The following CDC40 variants were observed in gnomAD, a reference collection of about 807,000 sequenced individuals.
CDC40 encodes the protein cell division cycle 40, also known as pre-mRNA-processing factor 17.
CDC40 carries 27 observed loss-of-function variants against 80.6 expected under a neutral mutation model. The observed-to-expected ratio is 0.33, with a 90% CI of 0.25 to 0.46. The LOEUF (loss-of-function observed/expected upper bound fraction) is 0.46, where lower values mean the gene tolerates loss of function less well. Ranked by LOEUF, CDC40 falls within the 20% of genes least tolerant of loss-of-function variation. CDC40 has a pLI of 1.00. For missense variants in CDC40, 486 were observed against 694.1 expected (o/e 0.70, Z 3.37); for synonymous variants, 221 against 232.6 (o/e 0.95, Z 0.45).
At chr6:110,220,871 G>A (rs1214869446) in intron 12 of CDC40, among the ~76,000 whole-genome samples, 1 of 152,090 alleles carries the variant, frequency 6.6e-6, no homozygotes, top group Non-Finnish European at 1.5e-5. Flanking sequence ...GGTAGAAACT[G>A]TCCCCGTGAT....
At position 110,180,528 on chromosome 6, in the gene CDC40, G is replaced by A; in HGVS notation, c.84G>A (p.Arg28=). The change falls in exon 1 of 15, where the codon CGG becomes CGA. Residue 28 remains arginine, a synonymous_variant. Coordinates refer to ENST00000307731, the MANE Select transcript of CDC40 (RefSeq NM_015891.3). The part of the protein sequence containing the change: ...SESDSDSESS[R]CPLPAADSLM... ...CGGACTCGGACAGTGAGAGCAGTCG[G>A]TGTCCGCTGCCAGCCGCCGACTCCC... 1.9e-6 allele frequency: 3 copies of A among 1,614,186 alleles called. No homozygotes were observed. The highest frequency in any genetic ancestry group is 2.5e-6 in the Non-Finnish European group (3 of 1,180,012).
At chr6:110,198,416 A>G (rs1348773216) in intron 2 of CDC40, among the ~76,000 whole-genome samples, 1 of 152,138 alleles carries the variant, frequency 6.6e-6, no homozygotes, top group African/African-American at 2.4e-5. Context: ...ACCTCAAGTG[A>G]TCCACCTGCC....
At chr6:110,189,606 C>G (rs933445983) in intron 1 of CDC40, among the ~76,000 whole-genome samples, 10 of 152,228 alleles carry the variant, frequency 6.6e-5, no homozygotes, top group African/African-American at 2.2e-4. Context: ...AGAGGCTAAT[C>G]TTCCAACTGT....
intron 1 of CDC40, among the ~76,000 whole-genome samples, chr6:110,187,618 C>T (rs1288409524): frequency 1.3e-5 from 2 of 152,048 alleles, no homozygotes; most frequent in Non-Finnish European, 2.9e-5. Flanking sequence ...AAAAACTATG[C>T]CATAAATTGA....
intron 5 of CDC40, among the ~76,000 whole-genome samples, chr6:110,209,494 T>C (rs1401583996): frequency 6.6e-6 from 1 of 152,170 alleles, no homozygotes; most frequent in Non-Finnish European, 1.5e-5. Flanking sequence ...ATATTGCTAT[T>C]AAGCTGCCAT....
In CDC40 at chr6:110,180,561, C is replaced by A; in HGVS notation, c.117C>A (p.His39Gln). ...TGCCAGCCGCCGACTCCCTCATGCA[C>A]TTGACTAAATCGCCTTCATCAAAGC... ...CPLPAADSLM[H>Q]LTKSPSSKPS... Residue 39 changes from histidine to glutamine, a missense_variant, in exon 1 of 15, where the codon CAC (histidine) becomes CAA (glutamine). Transcript: ENST00000307731. 1 of 1,614,206 alleles carries A rather than the reference C, an allele frequency of 6.2e-7. No homozygotes were observed. The highest frequency in any genetic ancestry group is 8.5e-7 in the Non-Finnish European group (1 of 1,180,016).
intron 1 of CDC40, among the ~76,000 whole-genome samples, chr6:110,186,106 T>G (rs1777266251): frequency 6.6e-6 from 1 of 152,204 alleles, no homozygotes; most frequent in African/African-American, 2.4e-5. Flanking sequence ...CACTTACATA[T>G]ACACACACAT....
intron 1 of CDC40, among the ~76,000 whole-genome samples, chr6:110,190,238 A>G (rs1184976859): frequency 6.6e-6 from 1 of 152,238 alleles, no homozygotes; most frequent in African/African-American, 2.4e-5. Flanking sequence ...AGAAGGCGGC[A>G]TAAAATAATA....
Position 110,191,503 on chromosome 6 carries a change from T to G in CDC40, c.190-1679T>G, listed in dbSNP as rs372070738. ...ACATTTTAGTGGAGAGAGAGAGAGA[T>G]AATATATATATCCACTGAGGATAAA... On this transcript the variant is annotated intron_variant, in intron 1 of 14. Transcript: ENST00000307731. 7.9e-5 allele frequency among the ~76,000 whole-genome samples: 12 copies of G among 152,156 alleles called. No homozygotes were observed. The East Asian group carries it at 1.2e-3, about 15-fold the overall frequency.
At position 110,230,028 on chromosome 6, in the gene CDC40, T is replaced by G; in HGVS notation, c.1637T>G (p.Phe546Cys). ...AAGACCACAAAACTCTACAGTCGAT[T>G]TAAAGCTCATGATAAAGTGTGTATA... ...DWKTTKLYSR[F>C]KAHDKVCIGA... Residue 546 changes from phenylalanine (F) to cysteine (C), a missense_variant, in exon 15 of 15, where the codon TTT (phenylalanine) becomes TGT (cysteine). This residue lies in a region of CDC40 where 88 missense variants were observed against 138.7 expected (regional missense o/e 0.63). Transcript: ENST00000307731. The G allele has an allele frequency of 6.2e-7, 1 of 1,612,608 alleles. No homozygotes were observed. The highest frequency in any genetic ancestry group is 8.5e-7 in the Non-Finnish European group (1 of 1,178,748).
intron 3 of CDC40, among the ~76,000 whole-genome samples, chr6:110,205,902 G>A (rs545837849): frequency 1.3e-5 from 2 of 152,102 alleles, no homozygotes; most frequent in Non-Finnish European, 2.9e-5. Context: ...TTGAACCTGT[G>A]ATTTCAGAGA....
intron 1 of CDC40, among the ~76,000 whole-genome samples, chr6:110,191,794 G>A (rs993016692): frequency 2.0e-5 from 3 of 152,178 alleles, no homozygotes; most frequent in African/African-American, 7.2e-5. Context: ...GCTGATGATG[G>A]AGGGGAAATT....
chr6:110,201,369 C>G (rs1777490710), intron 2 of CDC40, among the ~76,000 whole-genome samples, 189 bp from the exon 3 acceptor site: 1 of 152,116 alleles, frequency 6.6e-6, no homozygotes, highest in South Asian at 2.1e-4. Flanking sequence ...CTCCTTCTGT[C>G]CCAGGGGCTG....
intron 1 of CDC40, among the ~76,000 whole-genome samples, chr6:110,191,015 A>G (rs1777340103): frequency 6.6e-6 from 1 of 152,158 alleles, no homozygotes; most frequent in Non-Finnish European, 1.5e-5. Context: ...CATGAAAAGG[A>G]TAAGATAGGG....
Position 110,212,210 on chromosome 6 carries a change from A to C in CDC40, c.805A>C (p.Met269Leu), listed in dbSNP as rs374768334. Residue 269 changes from methionine (M) to leucine (L), a missense_variant, in exon 7 of 15, where the codon ATG (methionine) becomes CTG (leucine). Physicochemically the swap from Met to Leu is conservative, Grantham distance 15. This residue lies in a region of CDC40 where 381 missense variants were observed against 492.1 expected (regional missense o/e 0.77). Transcript: ENST00000307731. ...TGTTGGTGTTAATCTACGGTCAACTATGCCACCTGAGAAGTGTTATCTTCC... is the reference window on the plus strand; with the variant it reads ...TGTTGGTGTTAATCTACGGTCAACTCTGCCACCTGAGAAGTGTTATCTTCC... ...QDVGVNLRST[M>L]PPEKCYLPKK... 12 of 1,613,872 alleles carry C rather than the reference A, an allele frequency of 7.4e-6. No individual in the cohort carries two copies. Among genetic ancestry groups the C allele is most frequent in the Non-Finnish European group, 1.0e-5 (12 of 1,179,762 alleles).
chr6:110,190,307 T>A (rs933003746), intron 1 of CDC40, among the ~76,000 whole-genome samples: 3 of 152,176 alleles, frequency 2.0e-5, no homozygotes, highest in Non-Finnish European at 2.9e-5. Context: ...AGCATCAAAG[T>A]GCTTGCTATT....
At chr6:110,181,497 A>G (rs910333670) in intron 1 of CDC40, among the ~76,000 whole-genome samples, 3 of 152,234 alleles carry the variant, frequency 2.0e-5, no homozygotes, top group Non-Finnish European at 4.4e-5. Context: ...CCTTTGTATC[A>G]TGTCCCCAAG....
intron 2 of CDC40, among the ~76,000 whole-genome samples, chr6:110,200,299 T>G (rs895458411): frequency 6.6e-6 from 1 of 152,190 alleles, no homozygotes; most frequent in Non-Finnish European, 1.5e-5. Flanking sequence ...AATGTTGATA[T>G]CTAGAGAATG....
chr6:110,194,861 A>G (rs572965022), intron 2 of CDC40, among the ~76,000 whole-genome samples: 54 of 152,326 alleles, frequency 3.5e-4, no homozygotes, highest in African/African-American at 1.3e-3. Flanking sequence ...CATAACTAAT[A>G]CATTGCTGTG....
Sources: allele counts gnomAD v4.1 joint callset (sites outside exome capture counted in the v4.1 genomes callset), GRCh38; gene constraint gnomAD v4.1.1; regional missense constraint gnomAD v4.1.1; transcripts MANE v1.5; gene names NCBI Gene and HGNC (gene_info 2026-07-23, HGNC 2026-07-21).